ABCA6: variants seen among roughly 807,000 people sequenced by gnomAD.
ABCA6 encodes the protein ATP-binding cassette sub-family A member 6.
A neutral mutation model predicts 191.2 loss-of-function variants in ABCA6; 164 were observed. That is an observed-to-expected ratio of 0.86 (90% CI 0.76 to 0.98). The LOEUF is 0.98. Among genes scored for constraint, ABCA6 ranks in the 50% least tolerant of loss-of-function variants. The pLI is 0.00. For synonymous variants in ABCA6, 636 were observed against 647.7 expected (o/e 0.98, Z 0.27); for missense variants, 1,958 against 1,894.1 (o/e 1.03, Z -0.63).
Position 69,088,197 on chromosome 17 carries a change from T to C in ABCA6, c.3668A>G (p.Lys1223Arg). 1 of 1,612,708 alleles carries C rather than the reference T, an allele frequency of 6.2e-7. No individual in the cohort carries two copies. The highest frequency in any genetic ancestry group is 8.5e-7 in the Non-Finnish European group (1 of 1,179,388). Reference protein sequence around the residue: ...VLRCMELKCGKKRMRKDPVFR... With the variant: ...VLRCMELKCGRKRMRKDPVFR... Reference sequence around the variant, plus strand: ...AACAGGATCTTTTCGCATTCTTTTCTTTCCACATTTTAGTTCCATGCATCT... The same window carrying C: ...AACAGGATCTTTTCGCATTCTTTTCCTTCCACATTTTAGTTCCATGCATCT... The change falls in exon 28 of 39, where the codon AAG (lysine) becomes AGG (arginine). Residue 1223 changes from lysine (K) to arginine (R), a missense_variant. Coordinates refer to ENST00000284425, the MANE Select transcript of ABCA6 (RefSeq NM_080284.3).
At chr17:69,137,650 A>G in intron 2 of ABCA6, 150 bp from the exon 3 acceptor site, 2 of 697,956 alleles carry the variant, frequency 2.9e-6, no homozygotes, top group Non-Finnish European at 4.6e-6. Flanking sequence ...TGGAGAATCA[A>G]ATGAAAGATA....
intron 7 of ABCA6, among the ~76,000 whole-genome samples, chr17:69,129,304 C>T (rs2073816607): frequency 6.6e-6 from 1 of 152,076 alleles, no homozygotes; most frequent in Admixed American, 6.6e-5. Context: ...TTGGGTCCAC[C>T]CCTCAAAAAT....
chr17:69,082,371 G>T (rs549951160), intron 36 of ABCA6, among the ~76,000 whole-genome samples: 85 of 150,336 alleles, frequency 5.7e-4, no homozygotes, highest in Non-Finnish European at 9.2e-4. Flanking sequence ...ACAGATATGT[G>T]GGCATGCACA....
intron 2 of ABCA6, among the ~76,000 whole-genome samples, chr17:69,140,001 G>GAC (rs1369381514): frequency 3.3e-5 from 5 of 151,074 alleles, no homozygotes; most frequent in Non-Finnish European, 7.4e-5. Flanking sequence ...AATGCTAAAT[G>GAC]GCGAGTTAAT....
At position 69,102,835 on chromosome 17, in the gene ABCA6, C is replaced by T. The variant is rs2073210821; in HGVS notation, c.2874G>A (p.Lys958=). ...CATAAAAGCAAAAAGGCAAACATAC[C>T]TTTTGTTTACCAGAAACTATGATAG... ...NGAIIVSGKQ[K]DYRFSVVCNT... is the part of the protein sequence containing the mutation. Residue 958 remains lysine (K), a splice_region_variant and synonymous_variant, in exon 21 of 39, where the codon AAG becomes AAA. Coordinates refer to ENST00000284425, the MANE Select transcript of ABCA6 (RefSeq NM_080284.3). 6.4e-7 allele frequency: 1 copy of T among 1,574,100 alleles called. No homozygotes were observed. Among genetic ancestry groups the T allele is most frequent in the Non-Finnish European group, 8.6e-7 (1 of 1,167,710 alleles).
chr17:69,141,051 T>C (rs1196726199), intron 1 of ABCA6, among the ~76,000 whole-genome samples: 1 of 152,048 alleles, frequency 6.6e-6, no homozygotes, highest in Non-Finnish European at 1.5e-5. Flanking sequence ...AGTACATGAA[T>C]AGAGTGATTA....
chr17:69,115,021 T>A (rs1568022240), intron 12 of ABCA6, 84 bp from the exon 13 acceptor site: 5 of 1,064,650 alleles, frequency 4.7e-6, no homozygotes, highest in Non-Finnish European at 5.3e-6. Flanking sequence ...AATATTGGCA[T>A]ATGTTCACAA....
chr17:69,080,927 T>C, intron 37 of ABCA6, 139 bp downstream of exon 37: 1 of 507,570 alleles, frequency 2.0e-6, no homozygotes, highest in Non-Finnish European at 3.4e-6. Flanking sequence ...AATCTCACCA[T>C]TACCTACAGT....
chr17:69,081,543 T>C (rs940011300), intron 36 of ABCA6, among the ~76,000 whole-genome samples: 3 of 152,214 alleles, frequency 2.0e-5, no homozygotes, highest in Admixed American at 6.5e-5. Context: ...ATTTCTTACA[T>C]TTCCAGCAAT....
chr17:69,137,510 A>C lies in ABCA6; in HGVS notation c.97-10T>G, dbSNP rs1346542238. On this transcript the variant is annotated splice_polypyrimidine_tract_variant and intron_variant, in intron 2 of 38. Coordinates refer to ENST00000284425, the MANE Select transcript of ABCA6 (RefSeq NM_080284.3). ...TTGAGAGGCCCCATTCCTGTAATGCATATAAAAAGAAAAATAATGAATTAA... is the reference window on the plus strand; with the variant it reads ...TTGAGAGGCCCCATTCCTGTAATGCCTATAAAAAGAAAAATAATGAATTAA... 3 of 1,599,588 alleles carry C rather than the reference A, an allele frequency of 1.9e-6. No individual in the cohort carries two copies. Among genetic ancestry groups the C allele is most frequent in the African/African-American group, 1.3e-5 (1 of 74,156 alleles).
Position 69,105,382 on chromosome 17 carries a change from CA to C in ABCA6, c.2740+79del. The C allele has an allele frequency of 3.0e-6, 4 of 1,353,920 alleles. No homozygotes were observed. The South Asian group carries it at 5.5e-5, about 19-fold the overall frequency. 83.9% of individuals were successfully genotyped at this position (1,353,920 alleles called of 1,614,324 possible). On this transcript the variant is annotated intron_variant, in intron 20 of 38. Transcript: ENST00000284425. ...ATACCCATTTTCTTCTCTTATGATT[CA>C]CTTCCCCCCCCCACCTCCTGTGCTA...
rs148796350 is a variant in ABCA6 at position 69,100,855 on chromosome 17, A to G, written c.2954T>C (p.Leu985Pro). 57 of 1,612,574 alleles carry G rather than the reference A, an allele frequency of 3.5e-5. No individual in the cohort carries two copies. Among genetic ancestry groups the G allele is most frequent in the Non-Finnish European group, 4.7e-5 (56 of 1,179,262 alleles). ...PILMNIISNG[L>P]LQMFNHTQHI... ...TTGTGTGTGATTAAACATTTGAAGT[A>G]GCCCATTGCTGATAATATTCATAAG... Residue 985 changes from leucine (L) to proline (P), a missense_variant, in exon 22 of 39, where the codon CTA becomes CCA. Physicochemically the swap from Leu to Pro is moderately conservative, Grantham distance 98. Transcript: ENST00000284425.
chr17:69,111,989 T>G, intron 16 of ABCA6, 194 bp downstream of exon 16: 1 of 517,226 alleles, frequency 1.9e-6, no homozygotes, highest in Non-Finnish European at 3.4e-6. Flanking sequence ...TGGTTTATCA[T>G]GTTGAAATGT....
chr17:69,089,563 A>T lies in ABCA6; in HGVS notation c.3529-21T>A, dbSNP rs754457670. 9 of 1,565,266 alleles carry T rather than the reference A, an allele frequency of 5.7e-6. No homozygotes were observed. In the East Asian group the frequency reaches 2.0e-4, roughly 35 times the overall value. On this transcript the variant is annotated intron_variant, in intron 26 of 38. Coordinates refer to ENST00000284425, the MANE Select transcript of ABCA6 (RefSeq NM_080284.3). ...TCTCTCTGAAAAGACAAAACAAAACACACACACACTAATGATAATTCATCT... is the reference window on the plus strand; with the variant it reads ...TCTCTCTGAAAAGACAAAACAAAACTCACACACACTAATGATAATTCATCT...
intron 7 of ABCA6, among the ~76,000 whole-genome samples, chr17:69,129,037 A>G (rs565172344): frequency 6.6e-6 from 1 of 152,232 alleles, no homozygotes; most frequent in South Asian, 2.1e-4. Flanking sequence ...AGGGTGGGGG[A>G]AAAGCTGGAA....
intron 21 of ABCA6, among the ~76,000 whole-genome samples, chr17:69,101,396 A>G (rs1468805982): frequency 6.6e-6 from 1 of 152,082 alleles, no homozygotes; most frequent in Non-Finnish European, 1.5e-5. Context: ...GGAGTTTGAG[A>G]CTAGCCTGGC....
chr17:69,125,381 C>T (rs1315671915), intron 8 of ABCA6, among the ~76,000 whole-genome samples: 1 of 151,760 alleles, frequency 6.6e-6, no homozygotes, highest in Non-Finnish European at 1.5e-5. Context: ...TTCTTGGACG[C>T]CTTTAATTAG....
chr17:69,123,216 G>C (rs2073683066), intron 10 of ABCA6, 23 bp downstream of exon 10: 2 of 1,378,204 alleles, frequency 1.5e-6, no homozygotes, highest in Non-Finnish European at 1.9e-6. Flanking sequence ...TCATGCATTA[G>C]TATTACTTAT....
chr17:69,137,021 G>C (rs574924103), intron 3 of ABCA6, among the ~76,000 whole-genome samples: 77 of 152,044 alleles, frequency 5.1e-4, no homozygotes, highest in African/African-American at 1.8e-3. Context: ...ATTCCTTCTA[G>C]ATACTATCCT....
Sources: gnomAD v4.1 joint callset for allele counts (sites outside exome capture counted in the v4.1 genomes callset) on GRCh38, gnomAD v4.1.1 for gene constraint, MANE v1.5 for transcripts, NCBI Gene and HGNC (gene_info 2026-07-23, HGNC 2026-07-21) for gene names.